The following SHISA9 variants were observed in gnomAD, a reference collection of about 807,000 sequenced individuals.
The protein encoded by SHISA9 is protein shisa-9.
SHISA9 carries 13 observed loss-of-function variants against 38.0 expected under a neutral mutation model. The observed-to-expected ratio is 0.34, with a 90% confidence interval of 0.22 to 0.54. The LOEUF is 0.54. Among genes scored for constraint, SHISA9 ranks in the 20% least tolerant of loss-of-function variants. The probability of loss-of-function intolerance (pLI) is 0.91; values close to 1 mark genes in which losing one functional copy is unlikely to be tolerated. For synonymous variants in SHISA9, 275 were observed against 242.0 expected, an observed-to-expected ratio of 1.14 and a Z score of -1.27; for missense variants, 538 against 575.8, an observed-to-expected ratio of 0.93 and a Z score of 0.67.
At chr16:12,924,051 CAG>C (rs34891649) in intron 2 of SHISA9, among the ~76,000 whole-genome samples, 37,609 of 151,726 alleles carry the variant, frequency 0.25, 5,264 homozygotes, top group Non-Finnish European at 0.31. Context: ...CCAAATTATC[CAG>C]AGAGAGAGAG....
the SHISA9 span, chr16:13,331,628 A>G: frequency 1.1e-4 from 17 of 152,152 alleles, no homozygotes; most frequent in African/African-American, 2.7e-4. Context: ...GCTCTCCTCC[A>G]TCACAAATAT....
the SHISA9 span, among the ~76,000 whole-genome samples, chr16:13,366,431 C>T: frequency 2.0e-5 from 3 of 152,188 alleles, no homozygotes; most frequent in Non-Finnish European, 4.4e-5. Flanking sequence ...ACTTAAGGAT[C>T]TTGTTGAAAC....
At chr16:13,263,198 A>G in the SHISA9 span, among the ~76,000 whole-genome samples, 8 of 152,190 alleles carry the variant, frequency 5.3e-5, no homozygotes, top group African/African-American at 1.9e-4. Flanking sequence ...GGAATTCGGC[A>G]AGGACTTTTA....
chr16:13,124,472 C>T (rs1352417299), intron 2 of SHISA9, among the ~76,000 whole-genome samples: 3 of 152,096 alleles, frequency 2.0e-5, no homozygotes, highest in Non-Finnish European at 4.4e-5. Flanking sequence ...TCACTGTTAG[C>T]AGTTTATGTG....
chr16:13,478,079 A>G, the SHISA9 span, among the ~76,000 whole-genome samples: 1 of 152,142 alleles, frequency 6.6e-6, no homozygotes, highest in African/African-American at 2.4e-5. Context: ...GCGACATCGC[A>G]TTTTCCTCTG....
chr16:12,912,990 C>G (rs548108976), intron 1 of SHISA9, among the ~76,000 whole-genome samples: 60 of 152,184 alleles, frequency 3.9e-4, no homozygotes, highest in African/African-American at 1.4e-3. Context: ...AGGCCCATCT[C>G]CAGTGTCACC....
chr16:13,307,965 A>C, the SHISA9 span, among the ~76,000 whole-genome samples: 1 of 152,194 alleles, frequency 6.6e-6, no homozygotes, highest in Non-Finnish European at 1.5e-5. Flanking sequence ...GCGTTCACAA[A>C]TCTCACCGCA....
the SHISA9 span, among the ~76,000 whole-genome samples, chr16:13,295,225 C>T: frequency 6.6e-6 from 1 of 152,214 alleles, no homozygotes; most frequent in African/African-American, 2.4e-5. Context: ...ATAAATAAAA[C>T]ACAAATTATT....
Position 13,086,373 on chromosome 16 carries a change from AAAG to A in SHISA9, c.692-117012_692-117010del, listed in dbSNP as rs1283225389. Among the ~76,000 whole-genome samples the A allele has an allele frequency of 6.0e-3, 816 of 136,916 alleles. 8 individuals carry two copies. Among genetic ancestry groups the A allele is most frequent in the African/African-American group, 0.012 (454 of 38,084 alleles). The allele number at this position is 136,916 out of a possible 152,430, so 89.8% of individuals were successfully genotyped here. ...CATCTCAAAAAAAAAAAAAAAAAAA[AAAG>A]AAGAAGAATATTGTCATTGAAATTA... is the stretch of plus-strand genomic sequence containing the variant. On this transcript the variant is annotated intron_variant, in intron 2 of 4. Transcript: ENST00000558583.
the SHISA9 span, among the ~76,000 whole-genome samples, chr16:13,262,658 AAGGAAGGAAGGAAGGGAGGG>A: frequency 7.7e-5 from 4 of 51,862 alleles, no homozygotes; most frequent in East Asian, 4.3e-4. Context: ...GGAAGGAAGG[AAGGAAGGAAGGAAGGGAGGG>A]AGGAAGGAAG....
intron 2 of SHISA9, among the ~76,000 whole-genome samples, chr16:12,967,965 AG>A (rs1421494661): frequency 6.6e-6 from 1 of 152,016 alleles, no homozygotes; most frequent in Non-Finnish European, 1.5e-5. Flanking sequence ...TGAGGCAGGT[AG>A]ATCACCTTAG....
At chr16:13,022,590 C>G (rs2072871500) in intron 2 of SHISA9, among the ~76,000 whole-genome samples, 1 of 152,078 alleles carries the variant, frequency 6.6e-6, no homozygotes, top group South Asian at 2.1e-4. Context: ...CTCGGGCCTC[C>G]CAGAGTGCTG....
the SHISA9 span, among the ~76,000 whole-genome samples, chr16:13,264,199 G>A: frequency 1.4e-5 from 2 of 138,476 alleles, no homozygotes; most frequent in Non-Finnish European, 3.1e-5. Flanking sequence ...TCCTGAGACT[G>A]AGTCTTGCTC....
At chr16:13,524,839 A>T in the SHISA9 span, among the ~76,000 whole-genome samples, 1 of 151,876 alleles carries the variant, frequency 6.6e-6, no homozygotes, top group Non-Finnish European at 1.5e-5. Context: ...AGTGGGCAGG[A>T]TAATTCTTTA....
chr16:12,904,709 G>A (rs191651543), intron 1 of SHISA9, among the ~76,000 whole-genome samples: 9 of 152,266 alleles, frequency 5.9e-5, no homozygotes, highest in Admixed American at 5.9e-4. Flanking sequence ...CTCCCGAAAA[G>A]AGAGTTGTTG....
the SHISA9 span, among the ~76,000 whole-genome samples, chr16:13,469,243 A>G: frequency 6.7e-6 from 1 of 149,204 alleles, no homozygotes; most frequent in Non-Finnish European, 1.5e-5. Context: ...CTCTGCCAAG[A>G]AAAAAAAAGA....
chr16:13,197,102 C>CATAT (rs139944963), intron 2 of SHISA9, among the ~76,000 whole-genome samples: 203 of 146,990 alleles, frequency 1.4e-3, no homozygotes, highest in Middle Eastern at 3.4e-3. Flanking sequence ...TCTCTCTGTA[C>CATAT]ATACACACAC....
chr16:12,902,645 C>T lies in SHISA9; in HGVS notation c.563+18C>T, dbSNP rs1434236473. 3.3e-6 allele frequency: 5 copies of T among 1,527,616 alleles called. No homozygotes were observed. In the East Asian group the frequency reaches 9.8e-5, roughly 30 times the overall value. The allele number at this position is 1,527,616 out of a possible 1,614,324, so 94.6% of individuals were successfully genotyped here. On this transcript the variant is annotated intron_variant, in intron 1 of 4. Coordinates refer to ENST00000558583, the MANE Select transcript of SHISA9 (RefSeq NM_001145204.3). ...ATGTCCAGGTGGGCTGCCTCCCCTTCGCCCTCCCCTCGGGGCTTCGCTCTC... is the reference window on the plus strand; with the variant it reads ...ATGTCCAGGTGGGCTGCCTCCCCTTTGCCCTCCCCTCGGGGCTTCGCTCTC...
the SHISA9 span, among the ~76,000 whole-genome samples, chr16:13,310,827 G>A: frequency 1.3e-5 from 2 of 151,776 alleles, no homozygotes; most frequent in Non-Finnish European, 2.9e-5. Context: ...GGGACTACAG[G>A]GGCCTGCCAC....
Sources: gnomAD v4.1 joint callset for allele counts (sites outside exome capture counted in the v4.1 genomes callset) on GRCh38, gnomAD v4.1.1 for gene constraint, MANE v1.5 for transcripts, NCBI Gene and HGNC (gene_info 2026-07-23, HGNC 2026-07-21) for gene names.